SFTPB: variants seen among roughly 807,000 people sequenced by gnomAD.
The protein encoded by SFTPB is surfactant protein B.
SFTPB carries 32 observed loss-of-function variants against 51.0 expected under a neutral mutation model. The ratio of observed to expected loss-of-function variants is 0.63; its 90% CI spans 0.47 to 0.84. SFTPB has a LOEUF of 0.84. SFTPB is among the 40% of genes least tolerant of loss of function. The pLI, the probability that SFTPB is intolerant of heterozygous loss-of-function variation, is 0.00. For missense variants in SFTPB, 431 were observed against 491.2 expected (o/e 0.88, Z 1.16); for synonymous variants, 211 against 208.5 (o/e 1.01, Z -0.10).
intron 6 of SFTPB, among the ~76,000 whole-genome samples, chr2:85,664,066 C>A (rs35632440): frequency 1.1e-4 from 16 of 152,184 alleles, no homozygotes; most frequent in Non-Finnish European, 2.1e-4. Flanking sequence ...TTCAGACCTA[C>A]GTCTGGCCCC....
At chr2:85,663,595 G>T in intron 7 of SFTPB, 69 bp downstream of exon 7, 1 of 1,593,700 alleles carries the variant, frequency 6.3e-7, no homozygotes, top group African/African-American at 1.3e-5. Flanking sequence ...GAGGGAGAGG[G>T]TCATGCAGTG....
At chr2:85,662,765 C>A (rs571244028) in intron 8 of SFTPB, among the ~76,000 whole-genome samples, 1 of 146,818 alleles carries the variant, frequency 6.8e-6, no homozygotes, top group Non-Finnish European at 1.5e-5. Context: ...CGCCTGAACC[C>A]GGAGGCAGAG....
rs1677166404 is a variant in SFTPB at position 85,659,038 on chromosome 2, A to C, written c.*664T>G. 1 of 151,848 alleles carries C rather than the reference A, an allele frequency of 6.6e-6. No individual in the cohort carries two copies. Among genetic ancestry groups the C allele is most frequent in the African/African-American group, 2.4e-5 (1 of 41,210 alleles). 9.4% of individuals were successfully genotyped at this position (151,848 alleles called of 1,614,324 possible). A position where few individuals can be genotyped will look rare whatever the true frequency, so the allele number is the denominator to read the frequency against. On this transcript the variant is annotated 3_prime_UTR_variant, in exon 11 of 11. Transcript: ENST00000519937. ...TCCACCTTACAGAAAGACAAAAAGA[A>C]ACCCCTTTTTATATCTTAACAAAGC... is the stretch of plus-strand genomic sequence containing the variant.
Position 85,665,588 on chromosome 2 carries a change from T to C in SFTPB, c.582+18A>G. 1 of 1,612,260 alleles carries C rather than the reference T, an allele frequency of 6.2e-7. No homozygotes were observed. ...CCCTCTGGATCTCCACTTTACTGGC[T>C]GTGGGGGCCTCCCTCACCTGTGTGT... On this transcript the variant is annotated intron_variant, in intron 5 of 10. Coordinates refer to ENST00000519937, the MANE Select transcript of SFTPB (RefSeq NM_000542.5).
intron 4 of SFTPB, 141 bp from the exon 5 acceptor site, chr2:85,665,935 G>T: frequency 2.7e-6 from 2 of 740,594 alleles, no homozygotes; most frequent in Non-Finnish European, 2.2e-6. Context: ...CTCTATGTGG[G>T]GGGACAAAAG....
Position 85,665,380 on chromosome 2 carries a change from T to TG in SFTPB, c.583-3dup. 1 of 1,613,442 alleles carries TG rather than the reference T, an allele frequency of 6.2e-7. No homozygotes were observed. The highest frequency in any genetic ancestry group is 8.5e-7 in the Non-Finnish European group (1 of 1,179,416). On this transcript the variant is annotated splice_polypyrimidine_tract_variant and splice_region_variant and intron_variant, in intron 5 of 10. Coordinates refer to ENST00000519937, the MANE Select transcript of SFTPB (RefSeq NM_000542.5). ...GGGGAATTGCTGCTCGGAGAGATCC[T>TG]GGGGAAAGAATCAGGTGGAGGCCAG...
chr2:85,660,652 G>A (rs373091475), intron 10 of SFTPB, among the ~76,000 whole-genome samples: 5 of 149,806 alleles, frequency 3.3e-5, no homozygotes, highest in East Asian at 2.0e-4. Flanking sequence ...ACAGGGTTTC[G>A]CCATGTTGGC....
intron 4 of SFTPB, 112 bp downstream of exon 4, chr2:85,666,493 CTGTGTGTGTGTG>C (rs59023726): frequency 1.6e-5 from 12 of 740,282 alleles, no homozygotes; most frequent in Admixed American, 1.3e-4. Context: ...GGCTTGGGTG[CTGTGTGTGTGTG>C]TGTGTGTGTG....
At chr2:85,661,205 G>C (rs1414420638) in intron 10 of SFTPB, 5 of 416,042 alleles carry the variant, frequency 1.2e-5, no homozygotes, top group African/African-American at 4.1e-5. Context: ...GGGGGGTTGG[G>C]GGGGAAGCTG....
In SFTPB at chr2:85,666,746, G is replaced by A. The variant is rs1677668666; in HGVS notation, c.268-4C>T. 3 of 1,613,616 alleles carry A rather than the reference G, an allele frequency of 1.9e-6. No homozygotes were observed. The highest frequency in any genetic ancestry group is 2.7e-5 in the African/African-American group (2 of 74,884). On this transcript the variant is annotated splice_polypyrimidine_tract_variant and splice_region_variant and intron_variant, in intron 3 of 10. Coordinates refer to ENST00000519937, the MANE Select transcript of SFTPB (RefSeq NM_000542.5). ...CCAGGAACTTCCTCATCGTGTCCTG[G>A]GAGGCCAGAGGGGGCCGTCAGCTGG...
At position 85,658,814 on chromosome 2, in the gene SFTPB, C is replaced by T. The variant is rs990520157; in HGVS notation, c.*888G>A. ...CTGGGATTGCAGGTGTGAGCCACCACGTCTGGCCATACTGCAGCACTTTAA... is the reference window on the plus strand; with the variant it reads ...CTGGGATTGCAGGTGTGAGCCACCATGTCTGGCCATACTGCAGCACTTTAA... On this transcript the variant is annotated 3_prime_UTR_variant, in exon 11 of 11. Coordinates refer to ENST00000519937, the MANE Select transcript of SFTPB (RefSeq NM_000542.5). 3.3e-5 allele frequency: 5 copies of T among 152,162 alleles called. No homozygotes were observed. The highest frequency in any genetic ancestry group is 1.3e-4 in the Admixed American group (2 of 15,268). 9.4% of individuals were successfully genotyped at this position (152,162 alleles called of 1,614,324 possible). A position where few individuals can be genotyped will look rare whatever the true frequency, so the allele number is the denominator to read the frequency against.
At chr2:85,666,818 ACCAGGG>A in intron 3 of SFTPB, 76 bp from the exon 4 acceptor site, 2 of 1,583,200 alleles carry the variant, frequency 1.3e-6, no homozygotes, top group Non-Finnish European at 1.7e-6. Context: ...ACAAGGCCCC[ACCAGGG>A]CAGACTGACC....
chr2:85,666,517 GT>G (rs1677642895), intron 4 of SFTPB, 99 bp downstream of exon 4: 1 of 1,182,056 alleles, frequency 8.5e-7, no homozygotes, highest in African/African-American at 1.5e-5. Flanking sequence ...GTGTGTGTGT[GT>G]GTGTCTGGCT....
At chr2:85,661,194 C>CG in intron 10 of SFTPB, 1 of 240,230 alleles carries the variant, frequency 4.2e-6, no homozygotes, top group Non-Finnish European at 7.3e-6. Flanking sequence ...CAGGGCAGGG[C>CG]GGGGGGTTGG....
At chr2:85,667,049 TG>T in intron 3 of SFTPB, 56 bp downstream of exon 3, 1 of 1,469,352 alleles carries the variant, frequency 6.8e-7, no homozygotes, top group Non-Finnish European at 9.5e-7. Context: ...AGCTCTTCCC[TG>T]CTCTGTCCCT....
At chr2:85,659,837 G>A (rs1677199091) in intron 10 of SFTPB, among the ~76,000 whole-genome samples, 155 bp from the exon 11 acceptor site, 1 of 152,208 alleles carries the variant, frequency 6.6e-6, no homozygotes, top group Admixed American at 6.5e-5. Context: ...CTAGGAGCTG[G>A]GGAAAGGCGA....
intron 4 of SFTPB, 72 bp from the exon 5 acceptor site, chr2:85,665,866 G>GT: frequency 2.1e-6 from 3 of 1,449,102 alleles, no homozygotes; most frequent in Non-Finnish European, 1.9e-6. Context: ...CCGGCCCAAG[G>GT]GCTCAGGGAC....
chr2:85,662,756 G>A (rs553330578), intron 8 of SFTPB, among the ~76,000 whole-genome samples: 2 of 146,742 alleles, frequency 1.4e-5, no homozygotes, highest in Admixed American at 7.2e-5. Flanking sequence ...CAGGAGAATC[G>A]CCTGAACCCG....
chr2:85,666,391 C>CTGTGTGTGTGTGTGTGTGTGTGTGTGTG, intron 4 of SFTPB: 3 of 377,822 alleles, frequency 7.9e-6, no homozygotes, highest in Admixed American at 3.8e-5. Flanking sequence ...AGCTGGGGTA[C>CTGTGTGTGTGTGTGTGTGTGTGTGTGTG]TGTGTGTGTG....
Sources: allele counts gnomAD v4.1 joint callset (sites outside exome capture counted in the v4.1 genomes callset), GRCh38; gene constraint gnomAD v4.1.1; transcripts MANE v1.5; gene names NCBI Gene and HGNC (gene_info 2026-07-23, HGNC 2026-07-21).